Variants in CLUL1 observed in about 807,000 individuals in gnomAD.
CLUL1 encodes clusterin-like protein 1.
Under a neutral mutation model 49.4 loss-of-function variants are expected in CLUL1, and 43 were observed. The observed-to-expected ratio is 0.87, with a 90% CI of 0.68 to 1.12. The LOEUF (loss-of-function observed/expected upper bound fraction) is 1.12, where lower values mean the gene tolerates loss of function less well. CLUL1 is among the 50% of genes most tolerant of loss of function. The pLI is 0.00. For synonymous variants in CLUL1, 192 were observed against 184.9 expected, an observed-to-expected ratio of 1.04 and a Z score of -0.31; for missense variants, 486 against 544.4, an observed-to-expected ratio of 0.89 and a Z score of 1.07.
At chr18:621,337 C>T (rs1188628030) in intron 4 of CLUL1, among the ~76,000 whole-genome samples, 9 of 152,126 alleles carry the variant, frequency 5.9e-5, no homozygotes, top group African/African-American at 1.7e-4. Flanking sequence ...CAACTGGAGC[C>T]GGGTAGTGTG....
chr18:633,089 A>G (rs986197248), intron 6 of CLUL1, among the ~76,000 whole-genome samples: 2 of 152,202 alleles, frequency 1.3e-5, no homozygotes, highest in African/African-American at 4.8e-5. Context: ...CCCGGGAGGC[A>G]GAGGTTGCAG....
chr18:617,419 A>T (rs769015217), intron 2 of CLUL1, among the ~76,000 whole-genome samples: 2 of 151,904 alleles, frequency 1.3e-5, no homozygotes, highest in Non-Finnish European at 2.9e-5. Context: ...ACATGGAGAA[A>T]CTCCATCTCT....
chr18:616,806 T>A, intron 2 of CLUL1: 1 of 382,804 alleles, frequency 2.6e-6, no homozygotes, highest in Non-Finnish European at 3.6e-6. Context: ...GTAAATAGAG[T>A]AATGATAGAA....
At chr18:599,801 G>A (rs2072768875) in intron 1 of CLUL1, among the ~76,000 whole-genome samples, 1 of 151,948 alleles carries the variant, frequency 6.6e-6, no homozygotes, top group Admixed American at 6.6e-5. Context: ...GTGTGTTGGC[G>A]GGCGCCTGTA....
chr18:622,559 G>A lies in CLUL1; in HGVS notation c.256-2306G>A, dbSNP rs1344954470. Among the ~76,000 whole-genome samples, 3 of 152,176 alleles carry A rather than the reference G, an allele frequency of 2.0e-5. No homozygotes were observed. The East Asian group carries it at 5.8e-4, about 29-fold the overall frequency. On this transcript the variant is annotated intron_variant, in intron 4 of 9. Coordinates refer to ENST00000692774, the MANE Select transcript of CLUL1 (RefSeq NM_001393344.1). The stretch of plus-strand genomic sequence containing the variant: ...TACAATGTCTAGCAGGAAACGGAAG[G>A]CGTCGATAGGATATTCCTTAGGAAT...
intron 6 of CLUL1, among the ~76,000 whole-genome samples, chr18:627,741 G>A (rs993080375): frequency 1.3e-5 from 2 of 151,618 alleles, no homozygotes; most frequent in Admixed American, 6.6e-5. Context: ...ACTCTTTCTA[G>A]AGCAAATTTT....
intron 5 of CLUL1, 133 bp downstream of exon 5, chr18:625,165 A>C: frequency 3.5e-6 from 3 of 849,338 alleles, no homozygotes; most frequent in Non-Finnish European, 5.3e-6. Flanking sequence ...TCTAGAATCT[A>C]ATACTAATGT....
chr18:607,220 C>A, intron 2 of CLUL1, 121 bp downstream of exon 2: 1 of 635,064 alleles, frequency 1.6e-6, no homozygotes, highest in South Asian at 1.8e-5. Context: ...TTCTGCCTCC[C>A]AGATTTAAGG....
intron 1 of CLUL1, among the ~76,000 whole-genome samples, chr18:599,902 C>G (rs752731213): frequency 9.9e-5 from 15 of 150,952 alleles, no homozygotes; most frequent in East Asian, 1.9e-4. Flanking sequence ...GAGCCGAGAT[C>G]GCGCCACTGC....
intron 1 of CLUL1, among the ~76,000 whole-genome samples, chr18:600,083 G>A (rs928126360): frequency 3.2e-4 from 48 of 152,290 alleles, no homozygotes; most frequent in African/African-American, 1.1e-3. Context: ...ACTGTTGTTA[G>A]ATGGATGATC....
At chr18:611,878 G>C (rs954938452) in intron 2 of CLUL1, among the ~76,000 whole-genome samples, 9 of 152,106 alleles carry the variant, frequency 5.9e-5, no homozygotes, top group African/African-American at 2.2e-4. Context: ...CCTGGAGCAT[G>C]AGCAAAGGCC....
intron 2 of CLUL1, among the ~76,000 whole-genome samples, chr18:607,460 G>A (rs893696180): frequency 6.6e-6 from 1 of 152,000 alleles, no homozygotes; most frequent in East Asian, 1.9e-4. Flanking sequence ...TTTAGACAAG[G>A]TCTAGCTCTG....
intron 7 of CLUL1, among the ~76,000 whole-genome samples, chr18:639,391 A>T (rs1370469206): frequency 1.4e-5 from 2 of 139,412 alleles, no homozygotes; most frequent in South Asian, 2.3e-4. Flanking sequence ...AGATCGCACC[A>T]TTGCACTCCA....
At chr18:620,326 C>T (rs546734279) in intron 4 of CLUL1, among the ~76,000 whole-genome samples, 6 of 151,818 alleles carry the variant, frequency 4.0e-5, no homozygotes, top group South Asian at 2.1e-4. Flanking sequence ...GCTTTTGGTC[C>T]GCTTGAGCTT....
In CLUL1 at chr18:618,733, C is replaced by T. The variant is rs1432275833; in HGVS notation, c.107-480C>T. ...GGGCTTATTAAAGGTGTATAAGACA[C>T]GTCCATTGAGTTATTAAGGAAGCTC... is the stretch of plus-strand genomic sequence containing the variant. On this transcript the variant is annotated intron_variant, in intron 3 of 9. Transcript: ENST00000692774. This position sits in a 1 kb window ranked among gnomAD's most constrained non-coding sequence, Gnocchi z 4.2. Among the ~76,000 whole-genome samples the T allele has an allele frequency of 1.3e-5, 2 of 152,080 alleles. No homozygotes were observed. Among genetic ancestry groups the T allele is most frequent in the African/African-American group, 2.4e-5 (1 of 41,398 alleles).
At position 622,064 on chromosome 18, in the gene CLUL1, C is replaced by A. The variant is rs149702237; in HGVS notation, c.255+2703C>A. 2.5e-3 allele frequency among the ~76,000 whole-genome samples: 381 copies of A among 152,202 alleles called. 1 individual carries two copies. Among genetic ancestry groups the A allele is most frequent in the African/African-American group, 8.7e-3 (361 of 41,516 alleles). ...AAAAAATCTGTTTAACCCTGAGTAT[C>A]CCTCCCTAAAATTACTTAAAGCCTA... On this transcript the variant is annotated intron_variant, in intron 4 of 9. Coordinates refer to ENST00000692774, the MANE Select transcript of CLUL1 (RefSeq NM_001393344.1).
Position 618,487 on chromosome 18 carries a change from A to T in CLUL1, c.106+381A>T, listed in dbSNP as rs1343114203. Among the ~76,000 whole-genome samples, 3 of 152,226 alleles carry T rather than the reference A, an allele frequency of 2.0e-5. No individual in the cohort carries two copies. The highest frequency in any genetic ancestry group is 1.3e-4 in the Admixed American group (2 of 15,276). On this transcript the variant is annotated intron_variant, in intron 3 of 9. Transcript: ENST00000692774. This position sits in a 1 kb window ranked among gnomAD's most constrained non-coding sequence, Gnocchi z 4.2. ...CTGTGCAATTGTTCTTAAACTAGTG[A>T]AAGAATGGGTTATAATTACGTTGAA... is the stretch of plus-strand genomic sequence containing the variant.
chr18:611,439 G>T (rs557917173), intron 2 of CLUL1, among the ~76,000 whole-genome samples: 4 of 151,870 alleles, frequency 2.6e-5, no homozygotes, highest in African/African-American at 9.7e-5. Context: ...TGGCTCCAGC[G>T]TGTCATCCCA....
chr18:612,530 A>G (rs760206451), intron 2 of CLUL1, among the ~76,000 whole-genome samples: 1 of 152,124 alleles, frequency 6.6e-6, no homozygotes, highest in Non-Finnish European at 1.5e-5. Flanking sequence ...CTCTTTGAAC[A>G]CGGGGCCCGT....
Sources: allele counts gnomAD v4.1 joint callset (sites outside exome capture counted in the v4.1 genomes callset), GRCh38; gene constraint gnomAD v4.1.1; non-coding constraint Gnocchi (gnomAD v3.1); transcripts MANE v1.5; gene names NCBI Gene and HGNC (gene_info 2026-07-23, HGNC 2026-07-21).